The following IFI44L variants were observed in gnomAD, a reference collection of about 807,000 sequenced individuals.
The protein encoded by IFI44L is interferon-induced protein 44-like.
IFI44L carries 40 observed loss-of-function variants against 39.3 expected under a neutral mutation model. That is an observed-to-expected ratio of 1.02 (90% CI 0.79 to 1.33). The LOEUF is 1.33. Among genes scored for constraint, IFI44L ranks in the 40% most tolerant of loss-of-function variants. The pLI is 0.00. For missense variants in IFI44L, 623 were observed against 549.0 expected (o/e 1.13, Z -1.35); for synonymous variants, 198 against 182.3 (o/e 1.09, Z -0.69).
chr1:78,633,112 T>C (rs1480365699), intron 4 of IFI44L, among the ~76,000 whole-genome samples: 1 of 152,134 alleles, frequency 6.6e-6, no homozygotes, highest in African/African-American at 2.4e-5. Flanking sequence ...AAAAGATACA[T>C]TGAAGAGGGT....
In IFI44L at chr1:78,627,929, C is replaced by G. The variant is rs375524121; in HGVS notation, c.14C>G (p.Thr5Arg). 2 of 1,593,510 alleles carry G rather than the reference C, an allele frequency of 1.3e-6. No homozygotes were observed. The highest frequency in any genetic ancestry group is 1.7e-6 in the Non-Finnish European group (2 of 1,170,596). Reference protein sequence around the residue: MEVTTRLTWNDENHL... With the variant: MEVTRRLTWNDENHL... ...AGATATAGAACAATGGAAGTGACAA[C>G]AAGATTGACATGGAATGATGAAAAT... Residue 5 changes from threonine to arginine, a missense_variant, in exon 2 of 9, where the codon ACA becomes AGA. Physicochemically the swap from Thr to Arg is moderately conservative, Grantham distance 71. Coordinates refer to ENST00000370751, the MANE Select transcript of IFI44L (RefSeq NM_006820.4).
At chr1:78,631,503 C>A (rs1427996860) in intron 4 of IFI44L, 1 of 152,184 alleles carries the variant, frequency 6.6e-6, no homozygotes, top group Non-Finnish European at 1.5e-5. Flanking sequence ...CCCTTGCCAG[C>A]ACCACAGATG....
chr1:78,630,222 A>G (rs1652698845), intron 4 of IFI44L: 1 of 226,072 alleles, frequency 4.4e-6, no homozygotes, highest in Non-Finnish European at 8.7e-6. Flanking sequence ...TTACTCATGT[A>G]CTACATGATT....
chr1:78,643,119 T>G lies in IFI44L; in HGVS notation c.*1310T>G, dbSNP rs1201169028. The G allele has an allele frequency of 7.6e-6, 1 of 130,870 alleles. No homozygotes were observed. Among genetic ancestry groups the G allele is most frequent in the Admixed American group, 7.9e-5 (1 of 12,654 alleles). The allele number at this position is 130,870 out of a possible 1,614,324, so 8.1% of individuals were successfully genotyped here. Reference sequence around the variant, plus strand: ...TTAGTTTTAATCAGAATTATACTCATCTTTTGGGTAGTCATAGATATTAAG... The same window carrying G: ...TTAGTTTTAATCAGAATTATACTCAGCTTTTGGGTAGTCATAGATATTAAG... On this transcript the variant is annotated 3_prime_UTR_variant, in exon 9 of 9. Transcript: ENST00000370751.
chr1:78,622,381 T>C (rs1409062935), intron 1 of IFI44L, among the ~76,000 whole-genome samples: 1 of 152,126 alleles, frequency 6.6e-6, no homozygotes, highest in African/African-American at 2.4e-5. Context: ...AAATTCACAA[T>C]AGAAAGGTTG....
chr1:78,640,877 A>T, intron 6 of IFI44L, 144 bp from the exon 7 acceptor site: 1 of 531,324 alleles, frequency 1.9e-6, no homozygotes, highest in Non-Finnish European at 3.3e-6. Context: ...GAAAAGCTTC[A>T]GGCTCCATAT....
rs74756159 is a variant in IFI44L at position 78,622,678 on chromosome 1, G to A, written c.-11+2107G>A. ...TGCTAGGAGATTCTCTCCCTTGCTG[G>A]TTTCAATGAAGTAAGTGGTCATGTT... On this transcript the variant is annotated intron_variant, in intron 1 of 8. Transcript: ENST00000370751. 1.1e-3 allele frequency among the ~76,000 whole-genome samples: 170 copies of A among 152,278 alleles called. 1 individual carries two copies. In the East Asian group the frequency reaches 0.029, roughly 26 times the overall value.
rs777546807 is a variant in IFI44L, at chr1:78,628,180, A to G, written c.265A>G (p.Lys89Glu). Residue 89 changes from lysine to glutamate, a missense_variant, in exon 2 of 9, where the codon AAG becomes GAG. Transcript: ENST00000370751. Reference sequence around the variant, plus strand: ...TGATTCCCTATGGTTTTCACTTCAAAAGAAAAATGACACCACTGAAATAGA... The same window carrying G: ...TGATTCCCTATGGTTTTCACTTCAAGAGAAAAATGACACCACTGAAATAGA... ...PNDSLWFSLQ[K>E]KNDTTEIETL... 1 of 1,612,818 alleles carries G rather than the reference A, an allele frequency of 6.2e-7. No individual in the cohort carries two copies. The highest frequency in any genetic ancestry group is 8.5e-7 in the Non-Finnish European group (1 of 1,179,408).
chr1:78,630,227 A>C (rs1652699013), intron 4 of IFI44L: 1 of 216,602 alleles, frequency 4.6e-6, no homozygotes, highest in South Asian at 1.0e-4. Context: ...CATGTACTAC[A>C]TGATTTTACC....
chr1:78,631,668 G>T (rs191526417), intron 4 of IFI44L: 8 of 152,262 alleles, frequency 5.3e-5, no homozygotes, highest in African/African-American at 1.9e-4. Flanking sequence ...AAGATTGAAT[G>T]TGTTTATCTA....
intron 4 of IFI44L, among the ~76,000 whole-genome samples, chr1:78,632,730 A>G (rs972692676): frequency 6.6e-6 from 1 of 152,218 alleles, no homozygotes; most frequent in Non-Finnish European, 1.5e-5. Flanking sequence ...TTTTCTTCAC[A>G]TACTTCAATT....
intron 6 of IFI44L, among the ~76,000 whole-genome samples, chr1:78,639,990 G>A (rs545206809): frequency 6.6e-6 from 1 of 152,052 alleles, no homozygotes; most frequent in South Asian, 2.1e-4. Context: ...GGGATAATAA[G>A]TTTTGCATCT....
rs1647044033 is a variant in IFI44L at position 78,645,961 on chromosome 1, T to G, written c.*4152T>G. Reference sequence around the variant, plus strand: ...CTGTTTCAGGCTCCAGGACAGGAAGTGCAGTGTAGGCAAAATTGCAAAAAT... The same window carrying G: ...CTGTTTCAGGCTCCAGGACAGGAAGGGCAGTGTAGGCAAAATTGCAAAAAT... On this transcript the variant is annotated 3_prime_UTR_variant, in exon 9 of 9. Coordinates refer to ENST00000370751, the MANE Select transcript of IFI44L (RefSeq NM_006820.4). 1 of 152,126 alleles carries G rather than the reference T, an allele frequency of 6.6e-6. No individual in the cohort carries two copies. The highest frequency in any genetic ancestry group is 2.1e-4 in the South Asian group (1 of 4,818). The allele number at this position is 152,126 out of a possible 1,614,324, so 9.4% of individuals were successfully genotyped here.
In IFI44L at chr1:78,642,691, A is replaced by G. The variant is rs1305121700; in HGVS notation, c.*882A>G. 3 of 152,172 alleles carry G rather than the reference A, an allele frequency of 2.0e-5. No homozygotes were observed. The highest frequency in any genetic ancestry group is 4.4e-5 in the Non-Finnish European group (3 of 68,022). The allele number at this position is 152,172 out of a possible 1,614,324, so 9.4% of individuals were successfully genotyped here. On this transcript the variant is annotated 3_prime_UTR_variant, in exon 9 of 9. Transcript: ENST00000370751. ...AGAGTGTTTCATTTATATCTGAATG[A>G]AAATATGAATGACTCTAAGTAATTG...
chr1:78,641,960 A>C lies in IFI44L; in HGVS notation c.*151A>C. On this transcript the variant is annotated 3_prime_UTR_variant, in exon 9 of 9. Transcript: ENST00000370751. ...GTCATATCTCAAGTTCAAAGGCCAA[A>C]ACCTGAGAAGCGGTGGGCTAAGATA... 1 of 840,704 alleles carries C rather than the reference A, an allele frequency of 1.2e-6. No individual in the cohort carries two copies. Among genetic ancestry groups the C allele is most frequent in the South Asian group, 1.4e-5 (1 of 70,658 alleles). 52.1% of individuals were successfully genotyped at this position (840,704 alleles called of 1,614,324 possible).
At chr1:78,640,762 CATTTGAATGGA>C (rs907143130) in intron 6 of IFI44L, among the ~76,000 whole-genome samples, 11 of 151,970 alleles carry the variant, frequency 7.2e-5, no homozygotes, top group African/African-American at 2.7e-4. Flanking sequence ...TAAAACAAAC[CATTTGAATGGA>C]ATCGTAGATG....
At chr1:78,637,497 T>A (rs368906838) in intron 6 of IFI44L, among the ~76,000 whole-genome samples, 1 of 151,960 alleles carries the variant, frequency 6.6e-6, no homozygotes, top group Non-Finnish European at 1.5e-5. Context: ...AACCAGAAAA[T>A]TGATTATTGT....
rs1181034919 is a variant in IFI44L, at chr1:78,641,107, A to G, written c.1135A>G (p.Thr379Ala). ...CTTTTTAAACATGAGTAGATCTATG[A>G]CTTCTCAAAGCCGGGTAAAAAATGC... ...DNFLNMSRSM[T>A]SQSRVMNVHK... Residue 379 changes from threonine to alanine, a missense_variant, in exon 7 of 9, where the codon ACT becomes GCT. Transcript: ENST00000370751. 2 of 1,609,076 alleles carry G rather than the reference A, an allele frequency of 1.2e-6. No individual in the cohort carries two copies. Among genetic ancestry groups the G allele is most frequent in the East Asian group, 4.5e-5 (2 of 44,804 alleles).
Position 78,644,977 on chromosome 1 carries a change from G to C in IFI44L, c.*3168G>C, listed in dbSNP as rs987566297. ...AGAGAAAAGAAAAATAGAGCAGTTT[G>C]AGTTCTATGAGGTATGCAGGCCCAG... On this transcript the variant is annotated 3_prime_UTR_variant, in exon 9 of 9. Transcript: ENST00000370751. 1 of 152,164 alleles carries C rather than the reference G, an allele frequency of 6.6e-6. No homozygotes were observed. Among genetic ancestry groups the C allele is most frequent in the Non-Finnish European group, 1.5e-5 (1 of 68,032 alleles). The allele number at this position is 152,164 out of a possible 1,614,324, so 9.4% of individuals were successfully genotyped here.
Sources: gnomAD v4.1 joint callset for allele counts (sites outside exome capture counted in the v4.1 genomes callset) on GRCh38, gnomAD v4.1.1 for gene constraint, MANE v1.5 for transcripts, NCBI Gene and HGNC (gene_info 2026-07-23, HGNC 2026-07-21) for gene names.